Variants in FH observed in about 807,000 individuals in gnomAD.
FH encodes the protein fumarate hydratase.
In FH, 22 loss-of-function variants were observed where a neutral mutation model predicts 49.4. That is an observed-to-expected ratio of 0.45 (90% CI 0.32 to 0.64). The LOEUF is 0.64. Ranked by LOEUF, FH falls within the 30% of genes least tolerant of loss-of-function variation. The pLI, the probability that FH is intolerant of heterozygous loss-of-function variation, is 0.05. For missense variants in FH, 526 were observed against 641.5 expected, an observed-to-expected ratio of 0.82 and a Z score of 1.95; for synonymous variants, 208 against 223.0, an observed-to-expected ratio of 0.93 and a Z score of 0.60.
At chr1:241,508,199 G>C (rs896256636) in intron 5 of FH, among the ~76,000 whole-genome samples, 1 of 152,126 alleles carries the variant, frequency 6.6e-6, no homozygotes, top group Non-Finnish European at 1.5e-5. Context: ...AACATGAATG[G>C]GTACTTACTG....
At chr1:241,506,295 T>A (rs1659928455) in intron 5 of FH, 127 bp from the exon 6 acceptor site, 1 of 709,666 alleles carries the variant, frequency 1.4e-6, no homozygotes, top group Admixed American at 2.6e-5. Context: ...TAATCAAGTT[T>A]TATTTATACT....
intron 1 of FH, chr1:241,519,242 C>G (rs977605264): frequency 2.6e-5 from 7 of 269,046 alleles, no homozygotes; most frequent in Non-Finnish European, 5.0e-5. Context: ...GGCAGCGCCC[C>G]GGGGCTGGGG....
intron 1 of FH, among the ~76,000 whole-genome samples, chr1:241,518,152 A>G (rs111477146): frequency 5.3e-5 from 8 of 152,334 alleles, no homozygotes; most frequent in African/African-American, 1.9e-4. Context: ...GAAATTCTCA[A>G]CATTAGCAAC....
rs1060500897 is a variant in FH, at chr1:241,517,182, T to C, written c.267A>G (p.Pro89=). Residue 89 remains proline, a splice_region_variant and synonymous_variant, in exon 2 of 10, where the codon CCA becomes CCG. Coordinates refer to ENST00000366560, the MANE Select transcript of FH (RefSeq NM_000143.4). ...FKIGGVTERM[P]TPVIKAFGIL... ...CAACATTTCCACAAATGCCACTTAC[T>C]GGCATGCGTTCTGTCACACCTCCAA... 2 of 1,614,066 alleles carry C rather than the reference T, an allele frequency of 1.2e-6. No homozygotes were observed. Among genetic ancestry groups the C allele is most frequent in the African/African-American group, 2.7e-5 (2 of 74,940 alleles).
At chr1:241,503,878 C>T (rs903462046) in intron 7 of FH, among the ~76,000 whole-genome samples, 164 bp downstream of exon 7, 6 of 152,388 alleles carry the variant, frequency 3.9e-5, no homozygotes, top group South Asian at 4.1e-4. Context: ...TGTCAGGTGA[C>T]GTGCCCAGCA....
chr1:241,499,644 T>C (rs544387691), intron 9 of FH, among the ~76,000 whole-genome samples: 1 of 152,328 alleles, frequency 6.6e-6, no homozygotes, highest in South Asian at 2.1e-4. Flanking sequence ...GCAGTAGCCA[T>C]ATTATGCCAA....
chr1:241,505,057 C>T (rs1005990886), intron 6 of FH, among the ~76,000 whole-genome samples: 10 of 151,448 alleles, frequency 6.6e-5, no homozygotes, highest in South Asian at 2.1e-4. Flanking sequence ...TACAGGCGCC[C>T]GCCACCATGC....
At chr1:241,500,353 A>C in intron 9 of FH, 84 bp downstream of exon 9, 1 of 1,367,208 alleles carries the variant, frequency 7.3e-7, no homozygotes, top group Middle Eastern at 1.9e-4. Flanking sequence ...GCTGTTCTCA[A>C]ACACTGATCC....
At chr1:241,500,246 T>C (rs1218302644) in intron 9 of FH, among the ~76,000 whole-genome samples, 191 bp downstream of exon 9, 1 of 152,152 alleles carries the variant, frequency 6.6e-6, no homozygotes, top group African/African-American at 2.4e-5. Context: ...TAGATCTAGT[T>C]TTGAAAGAAC....
chr1:241,514,374 G>A (rs12059383), intron 2 of FH, among the ~76,000 whole-genome samples: 2,015 of 152,172 alleles, frequency 0.013, 44 homozygotes, highest in African/African-American at 0.046. Context: ...GACAGCTTCC[G>A]ATATATATAA....
chr1:241,503,560 A>G (rs1393994698), intron 7 of FH, among the ~76,000 whole-genome samples: 1 of 152,212 alleles, frequency 6.6e-6, no homozygotes, highest in Non-Finnish European at 1.5e-5. Context: ...AAGTCACTTC[A>G]TTAGTCACTT....
At chr1:241,504,381 C>G in intron 6 of FH, 136 bp from the exon 7 acceptor site, 1 of 803,762 alleles carries the variant, frequency 1.2e-6, no homozygotes, top group Admixed American at 2.6e-5. Flanking sequence ...TTACTTAAGA[C>G]TCAAATTTTG....
rs1240528183 is a variant in FH at position 241,504,229 on chromosome 1, A to G, written c.921T>C (p.Thr307=). ...VAALTGLPFV[T]APNKFEALAA... is the part of the protein sequence containing the mutation. The stretch of plus-strand genomic sequence containing the variant: ...CCAGAGCTTCAAATTTATTCGGAGC[A>G]GTGACAAAAGGCAAGCCTAAAGAAA... Residue 307 remains threonine (T), a synonymous_variant, in exon 7 of 10, where the codon ACT becomes ACC. Transcript: ENST00000366560. The G allele has an allele frequency of 1.2e-6, 2 of 1,614,194 alleles. No individual in the cohort carries two copies. Among genetic ancestry groups the G allele is most frequent in the African/African-American group, 1.3e-5 (1 of 75,072 alleles).
At chr1:241,505,037 T>C (rs1273227684) in intron 6 of FH, among the ~76,000 whole-genome samples, 1 of 151,650 alleles carries the variant, frequency 6.6e-6, no homozygotes, top group Non-Finnish European at 1.5e-5. Context: ...GCCTCCCAAG[T>C]AGCTGGGGTT....
chr1:241,510,660 GT>G (rs1050442168), intron 4 of FH, among the ~76,000 whole-genome samples: 6 of 152,126 alleles, frequency 3.9e-5, no homozygotes, highest in African/African-American at 1.2e-4. Context: ...GTAGGAAAAA[GT>G]TTAAGGAAAA....
chr1:241,506,129 T>C lies in FH; in HGVS notation c.778A>G (p.Thr260Ala). 1 of 1,613,948 alleles carries C rather than the reference T, an allele frequency of 6.2e-7. No individual in the cohort carries two copies. The highest frequency in any genetic ancestry group is 1.1e-5 in the South Asian group (1 of 91,080). Reference sequence around the variant, plus strand: ...CTTGGCATGGCAGCTTTTATTCTTGTCATTGCATATTTTACTTGTTGAACA... The same window carrying C: ...CTTGGCATGGCAGCTTTTATTCTTGCCATTGCATATTTTACTTGTTGAACA... ...GYVQQVKYAM[T>A]RIKAAMPRIY... is the part of the protein sequence containing the mutation. The change falls in exon 6 of 10, where the codon ACA becomes GCA. Residue 260 changes from threonine to alanine, a missense_variant. Physicochemically the swap from Thr to Ala is moderately conservative, Grantham distance 58. This residue lies in a region of FH where 383 missense variants were observed against 514.0 expected (regional missense o/e 0.75). Transcript: ENST00000366560.
intron 7 of FH, among the ~76,000 whole-genome samples, chr1:241,503,547 C>G (rs1354694635): frequency 6.6e-6 from 1 of 152,208 alleles, no homozygotes; most frequent in Non-Finnish European, 1.5e-5. Context: ...TTCTTCTAGA[C>G]TGAAGTCACT....
At chr1:241,519,089 C>T (rs1441964927) in intron 1 of FH, 1 of 156,030 alleles carries the variant, frequency 6.4e-6, no homozygotes, top group East Asian at 1.9e-4. Flanking sequence ...TGCAGTGCCC[C>T]TTGGCGAAAC....
chr1:241,507,526 A>G (rs1659962164), intron 5 of FH, among the ~76,000 whole-genome samples: 1 of 152,196 alleles, frequency 6.6e-6, no homozygotes, highest in Admixed American at 6.5e-5. Context: ...AAAAGCAAGT[A>G]TAAATGCTTC....
Sources: allele counts gnomAD v4.1 joint callset (sites outside exome capture counted in the v4.1 genomes callset), GRCh38; gene constraint gnomAD v4.1.1; regional missense constraint gnomAD v4.1.1; transcripts MANE v1.5; gene names NCBI Gene and HGNC (gene_info 2026-07-23, HGNC 2026-07-21).